The following MAF variants were observed in gnomAD, a reference collection of about 807,000 sequenced individuals.
The protein encoded by MAF is transcription factor Maf.
A neutral mutation model predicts 22.0 loss-of-function variants in MAF; 10 were observed. The observed-to-expected ratio is 0.45, with a 90% CI of 0.28 to 0.77. The LOEUF is 0.77. Ranked by LOEUF, MAF falls within the 30% of genes least tolerant of loss-of-function variation. The pLI, the probability that MAF is intolerant of heterozygous loss-of-function variation, is 0.12. For synonymous variants in MAF, 337 were observed against 255.8 expected (o/e 1.32, Z -3.03); for missense variants, 544 against 548.4 (o/e 0.99, Z 0.08).
At chr16:79,554,952 C>T in the MAF span, among the ~76,000 whole-genome samples, 101 of 152,284 alleles carry the variant, frequency 6.6e-4, no homozygotes, top group East Asian at 0.017. Flanking sequence ...TGGAATCTGG[C>T]TTCCTCTGAG....
At chr16:79,595,410 T>C in intron 1 of MAF, 1 of 1,053,866 alleles carries the variant, frequency 9.5e-7, no homozygotes, top group Non-Finnish European at 1.1e-6. Context: ...GTTGCAATAT[T>C]ATCTTTTTTT....
the MAF span, among the ~76,000 whole-genome samples, chr16:79,467,964 T>C: frequency 6.6e-6 from 1 of 152,246 alleles, no homozygotes; most frequent in South Asian, 2.1e-4. Flanking sequence ...GGCTTGACCA[T>C]GCTTTAATCT....
At chr16:79,481,296 T>C in the MAF span, among the ~76,000 whole-genome samples, 89 of 152,046 alleles carry the variant, frequency 5.9e-4, no homozygotes, top group African/African-American at 2.1e-3. Flanking sequence ...AATTCACCCA[T>C]TTAAAGTGAG....
chr16:79,535,754 T>C, the MAF span, among the ~76,000 whole-genome samples: 559 of 151,854 alleles, frequency 3.7e-3, 1 homozygote, highest in African/African-American at 0.013. Context: ...CGTGCCACCA[T>C]GCCCAGCTAA....
At chr16:79,483,464 A>G in the MAF span, among the ~76,000 whole-genome samples, 3 of 151,060 alleles carry the variant, frequency 2.0e-5, no homozygotes, top group Non-Finnish European at 4.4e-5. Flanking sequence ...CCATGCTGGC[A>G]TGGAGTGGAC....
At chr16:79,438,121 G>A in the MAF span, among the ~76,000 whole-genome samples, 2 of 152,130 alleles carry the variant, frequency 1.3e-5, no homozygotes, top group African/African-American at 4.8e-5. Flanking sequence ...CGTTGGGGGG[G>A]CAGGGGGAAG....
chr16:79,524,898 T>C, the MAF span, among the ~76,000 whole-genome samples: 1 of 152,202 alleles, frequency 6.6e-6, no homozygotes, highest in Non-Finnish European at 1.5e-5. Flanking sequence ...GGAGACAATG[T>C]GGCCAACACG....
chr16:79,324,355 A>G, the MAF span, among the ~76,000 whole-genome samples: 1 of 152,236 alleles, frequency 6.6e-6, no homozygotes, highest in East Asian at 1.9e-4. Flanking sequence ...CCAAATATGG[A>G]TTGAAAACAC....
chr16:79,213,180 G>A, the MAF span, among the ~76,000 whole-genome samples: 1 of 152,166 alleles, frequency 6.6e-6, no homozygotes, highest in Non-Finnish European at 1.5e-5. Context: ...TGCTTCTGCT[G>A]AAATACCAGG....
At chr16:79,533,106 T>G in the MAF span, among the ~76,000 whole-genome samples, 1 of 152,222 alleles carries the variant, frequency 6.6e-6, no homozygotes, top group African/African-American at 2.4e-5. Context: ...TTTATCTATG[T>G]CTTCACTGGC....
the MAF span, among the ~76,000 whole-genome samples, chr16:79,304,258 C>T: frequency 1.3e-5 from 2 of 152,146 alleles, no homozygotes; most frequent in Middle Eastern, 3.4e-3. Context: ...CGGGAAGCAT[C>T]GCTCCCTCCC....
At chr16:79,484,296 G>A in the MAF span, among the ~76,000 whole-genome samples, 3 of 152,192 alleles carry the variant, frequency 2.0e-5, no homozygotes, top group Admixed American at 1.3e-4. Context: ...GACAAGGCTG[G>A]TGTGACAATG....
At chr16:79,351,687 C>T in the MAF span, among the ~76,000 whole-genome samples, 1 of 151,658 alleles carries the variant, frequency 6.6e-6, no homozygotes, top group Non-Finnish European at 1.5e-5. Context: ...CCACTAGTTT[C>T]TGGGGCTTCA....
the MAF span, among the ~76,000 whole-genome samples, chr16:79,344,044 G>C: frequency 1.6e-4 from 24 of 152,208 alleles, no homozygotes; most frequent in Non-Finnish European, 1.9e-4. Flanking sequence ...GCATTCAAAA[G>C]AAACTCTGTG....
At chr16:79,540,240 G>C in the MAF span, among the ~76,000 whole-genome samples, 2 of 151,778 alleles carry the variant, frequency 1.3e-5, no homozygotes, top group African/African-American at 4.8e-5. Context: ...TGGCCAACTA[G>C]ATGGAACACA....
chr16:79,218,933 G>A, the MAF span, among the ~76,000 whole-genome samples: 3 of 152,154 alleles, frequency 2.0e-5, no homozygotes, highest in Non-Finnish European at 4.4e-5. Context: ...CCAAGCCTCT[G>A]TGGTTCATAC....
the MAF span, among the ~76,000 whole-genome samples, chr16:79,380,434 A>C: frequency 6.6e-6 from 1 of 152,188 alleles, no homozygotes; most frequent in South Asian, 2.1e-4. Context: ...AGCTTATTCA[A>C]TTTTTCCAAT....
Position 79,599,017 on chromosome 16 carries a change from G to C in MAF, c.886C>G (p.Leu296Val). 1 of 1,613,622 alleles carries C rather than the reference G, an allele frequency of 6.2e-7. No homozygotes were observed. The highest frequency in any genetic ancestry group is 8.5e-7 in the Non-Finnish European group (1 of 1,179,920). ...GACTGGGCATAGCCGCGGTTTTTCA[G>C]GGTCCGCCTCTTCTGCTTCAGCCGG... ...VIRLKQKRRT[L>V]KNRGYAQSCR... is the part of the protein sequence containing the mutation. Residue 296 changes from leucine to valine, a missense_variant, in exon 1 of 2, where the codon CTG (leucine) becomes GTG (valine). Transcript: ENST00000326043.
the MAF span, chr16:79,203,851 T>C: frequency 1.3e-5 from 2 of 151,360 alleles, no homozygotes; most frequent in African/African-American, 4.9e-5. Flanking sequence ...TGCATACATT[T>C]ATACGCAGTA....
Sources: allele counts gnomAD v4.1 joint callset (sites outside exome capture counted in the v4.1 genomes callset), GRCh38; gene constraint gnomAD v4.1.1; transcripts MANE v1.5; gene names NCBI Gene and HGNC (gene_info 2026-07-23, HGNC 2026-07-21).